GABRD: variants seen among roughly 807,000 people sequenced by gnomAD.
The protein encoded by GABRD is gamma-aminobutyric acid receptor subunit delta.
GABRD carries 25 observed loss-of-function variants against 47.3 expected under a neutral mutation model. The observed-to-expected ratio is 0.53, with a 90% CI of 0.39 to 0.74. The LOEUF (loss-of-function observed/expected upper bound fraction) is 0.74, where lower values mean the gene tolerates loss of function less well. Among genes scored for constraint, GABRD ranks in the 30% least tolerant of loss-of-function variants. The pLI, the probability that GABRD is intolerant of heterozygous loss-of-function variation, is 0.00. For synonymous variants in GABRD, 314 were observed against 278.8 expected, an observed-to-expected ratio of 1.13 and a Z score of -1.26; for missense variants, 497 against 643.4, an observed-to-expected ratio of 0.77 and a Z score of 2.46.
chr1:2,019,579 G>A, intron 1 of GABRD, 88 bp downstream of exon 1: 1 of 813,678 alleles, frequency 1.2e-6, no homozygotes, highest in East Asian at 6.6e-5. Flanking sequence ...AGCGGCCGGC[G>A]CGAGCCCCGG....
intron 1 of GABRD, among the ~76,000 whole-genome samples, chr1:2,021,137 G>A (rs1354261050): frequency 1.3e-5 from 2 of 152,224 alleles, no homozygotes; most frequent in Non-Finnish European, 2.9e-5. Context: ...TGCCGTTGGG[G>A]AGGACACCTT....
rs905978069 is a variant in GABRD, at chr1:2,028,407, A to T, written c.691+115A>T. 11 of 1,194,508 alleles carry T rather than the reference A, an allele frequency of 9.2e-6. No individual in the cohort carries two copies. The highest frequency in any genetic ancestry group is 1.2e-5 in the Non-Finnish European group (11 of 933,216). The allele number at this position is 1,194,508 out of a possible 1,614,324, so 74.0% of individuals were successfully genotyped here. On this transcript the variant is annotated intron_variant, in intron 6 of 8. Coordinates refer to ENST00000378585, the MANE Select transcript of GABRD (RefSeq NM_000815.5). The surrounding 1 kb of genome is among the most constrained non-coding windows in gnomAD (Gnocchi z 6.4). The stretch of plus-strand genomic sequence containing the variant: ...CCGCGTGCGCCCGCCTGTGGTTTTC[A>T]TGCTTTTTAGTCAAGCGCCCGCAGG...
chr1:2,022,545 G>A (rs931862824), intron 1 of GABRD, among the ~76,000 whole-genome samples: 6 of 152,376 alleles, frequency 3.9e-5, no homozygotes, highest in African/African-American at 1.2e-4. Context: ...CAAGAGATGT[G>A]GCCCAGGAAG....
intron 1 of GABRD, 23 bp downstream of exon 1, chr1:2,019,514 G>A: frequency 9.0e-7 from 1 of 1,106,350 alleles, no homozygotes; most frequent in Non-Finnish European, 1.1e-6. Flanking sequence ...GGTCCGCGCG[G>A]CGCGGGGTCG....
In GABRD at chr1:2,028,320, AT is replaced by A. The variant is rs1557447475; in HGVS notation, c.691+29del. ...AACATATGCCCGCCGCCCCTTCCGC[AT>A]GTGCCCGCCGCCCCTTCCGCGCGCG... On this transcript the variant is annotated intron_variant, in intron 6 of 8. Transcript: ENST00000378585. This position sits in a 1 kb window ranked among gnomAD's most constrained non-coding sequence, Gnocchi z 6.4. 6.3e-7 allele frequency: 1 copy of A among 1,588,602 alleles called. No homozygotes were observed. Among genetic ancestry groups the A allele is most frequent in the Non-Finnish European group, 8.6e-7 (1 of 1,167,546 alleles).
Position 2,029,094 on chromosome 1 carries a change from G to A in GABRD, c.692-17G>A, listed in dbSNP as rs549500630. 15 of 1,538,950 alleles carry A rather than the reference G, an allele frequency of 9.7e-6. No homozygotes were observed. The Admixed American group carries it at 1.4e-4, about 14-fold the overall frequency. On this transcript the variant is annotated splice_polypyrimidine_tract_variant and intron_variant, in intron 6 of 8. Coordinates refer to ENST00000378585, the MANE Select transcript of GABRD (RefSeq NM_000815.5). ...GCTGGGCAGGGATGGGGGCACTGAC[G>A]GTGGCTGTCCTGGCAGCTGGCCAGT...
Position 2,030,365 on chromosome 1 carries a change from C to A in GABRD, c.*83C>A. 2 of 1,260,066 alleles carry A rather than the reference C, an allele frequency of 1.6e-6. No homozygotes were observed. The highest frequency in any genetic ancestry group is 2.1e-6 in the Non-Finnish European group (2 of 932,956). The allele number at this position is 1,260,066 out of a possible 1,614,324, so 78.1% of individuals were successfully genotyped here. A position where few individuals can be genotyped will look rare whatever the true frequency, so the allele number is the denominator to read the frequency against. ...CTTCCTGGGAGAAAGAGCCCTCGGG[C>A]TGCCTTCCCCTCTGCGTGTTTCGAA... On this transcript the variant is annotated 3_prime_UTR_variant, in exon 9 of 9. Coordinates refer to ENST00000378585, the MANE Select transcript of GABRD (RefSeq NM_000815.5).
chr1:2,030,539 G>T lies in GABRD; in HGVS notation c.*257G>T. On this transcript the variant is annotated 3_prime_UTR_variant, in exon 9 of 9. Transcript: ENST00000378585. The stretch of plus-strand genomic sequence containing the variant: ...AAGGAGCAGAGGTTCTGACCGAGAG[G>T]CTGAGCCAGGCCGGGGTCTGGGCCC... The T allele has an allele frequency of 2.6e-6, 1 of 382,382 alleles. No individual in the cohort carries two copies. Among genetic ancestry groups the T allele is most frequent in the African/African-American group, 2.1e-5 (1 of 48,246 alleles). 23.7% of individuals were successfully genotyped at this position (382,382 alleles called of 1,614,324 possible). A position where few individuals can be genotyped will look rare whatever the true frequency, so the allele number is the denominator to read the frequency against.
At chr1:2,023,549 C>G (rs917366190) in intron 1 of GABRD, 1 of 152,322 alleles carries the variant, frequency 6.6e-6, no homozygotes, top group Admixed American at 6.5e-5. Flanking sequence ...GTGGAGTAGC[C>G]CAGCATAGGG....
chr1:2,025,842 C>T (rs539748394), intron 4 of GABRD, 104 bp downstream of exon 4: 17 of 986,300 alleles, frequency 1.7e-5, no homozygotes, highest in Admixed American at 7.3e-5. Context: ...CTTCTGCTGC[C>T]GGGAGCTGGC....
chr1:2,029,047 C>G (rs1362363957), intron 6 of GABRD, 64 bp from the exon 7 acceptor site: 2 of 1,530,796 alleles, frequency 1.3e-6, no homozygotes, highest in African/African-American at 2.8e-5. Flanking sequence ...CCTGCAGCCC[C>G]TGAGTCCCAT....
At chr1:2,025,261 C>G in intron 2 of GABRD, 73 bp from the exon 3 acceptor site, 2 of 1,566,010 alleles carry the variant, frequency 1.3e-6, no homozygotes, top group Non-Finnish European at 1.8e-6. Context: ...TGACTGGGAC[C>G]CCGGCAGGGT....
chr1:2,027,348 C>T (rs1016982799), intron 4 of GABRD: 12 of 579,160 alleles, frequency 2.1e-5, no homozygotes, highest in South Asian at 3.8e-5. Flanking sequence ...AATAGTCAAG[C>T]GTTTTGAAGA....
intron 1 of GABRD, among the ~76,000 whole-genome samples, chr1:2,019,789 C>G (rs1010087899): frequency 1.2e-4 from 18 of 152,106 alleles, no homozygotes; most frequent in African/African-American, 4.3e-4. Flanking sequence ...CCCGGTTCCC[C>G]TGCTCCGCGG....
chr1:2,029,725 A>C lies in GABRD; in HGVS notation c.1022A>C (p.Gln341Pro). ...AHFNADYRKK[Q>P]KAKVKVSRPR... ...TTCAACGCCGACTACAGGAAGAAGC[A>C]GAAGGCCAAGGTCAAGGTCTCCAGG... The change falls in exon 8 of 9, where the codon CAG (glutamine) becomes CCG (proline). Residue 341 changes from glutamine (Q) to proline (P), a missense_variant. Coordinates refer to ENST00000378585, the MANE Select transcript of GABRD (RefSeq NM_000815.5). The C allele has an allele frequency of 6.2e-7, 1 of 1,613,346 alleles. No homozygotes were observed. The highest frequency in any genetic ancestry group is 8.5e-7 in the Non-Finnish European group (1 of 1,180,024).
At chr1:2,021,002 G>A (rs1658756807) in intron 1 of GABRD, among the ~76,000 whole-genome samples, 1 of 152,134 alleles carries the variant, frequency 6.6e-6, no homozygotes, top group South Asian at 2.1e-4. Flanking sequence ...CCTGCATCTG[G>A]CTCCTGGGCT....
chr1:2,022,733 C>T (rs1265331067), intron 1 of GABRD, among the ~76,000 whole-genome samples: 2 of 152,240 alleles, frequency 1.3e-5, no homozygotes, highest in Non-Finnish European at 2.9e-5. Flanking sequence ...GTGCCTGCTC[C>T]TCCTTAGCCC....
At chr1:2,021,901 G>T (rs1429406994) in intron 1 of GABRD, among the ~76,000 whole-genome samples, 1 of 152,182 alleles carries the variant, frequency 6.6e-6, no homozygotes, top group African/African-American at 2.4e-5. Context: ...TCCCCAGGGC[G>T]CAGACAAGTG....
intron 1 of GABRD, chr1:2,022,500 G>C (rs774855058): frequency 6.6e-6 from 1 of 152,328 alleles, no homozygotes; most frequent in African/African-American, 2.4e-5. Flanking sequence ...CCTTGCCTTC[G>C]TGCCCCCCCA....
Sources: gnomAD v4.1 joint callset for allele counts (sites outside exome capture counted in the v4.1 genomes callset) on GRCh38, gnomAD v4.1.1 for gene constraint, Gnocchi (gnomAD v3.1) non-coding constraint, MANE v1.5 for transcripts, NCBI Gene and HGNC (gene_info 2026-07-23, HGNC 2026-07-21) for gene names.